The following PBX1 variants were observed in gnomAD, a reference collection of about 807,000 sequenced individuals.
PBX1 encodes the protein pre-B-cell leukemia transcription factor 1.
Under a neutral mutation model 53.4 loss-of-function variants are expected in PBX1, and 6 were observed. The ratio of observed to expected loss-of-function variants is 0.11; its 90% confidence interval spans 0.06 to 0.22. The LOEUF (loss-of-function observed/expected upper bound fraction) is 0.22, where lower values mean the gene tolerates loss of function less well. PBX1 is among the 10% of genes least tolerant of loss of function. The pLI, the probability that PBX1 is intolerant of heterozygous loss-of-function variation, is 1.00. For missense variants in PBX1, 251 were observed against 551.4 expected, an observed-to-expected ratio of 0.46 and a Z score of 5.46; for synonymous variants, 204 against 212.3, an observed-to-expected ratio of 0.96 and a Z score of 0.34.
intron 2 of PBX1, among the ~76,000 whole-genome samples, chr1:164,607,464 G>A (rs189075209): frequency 1.6e-3 from 250 of 152,292 alleles, no homozygotes; most frequent in Non-Finnish European, 3.1e-3. Context: ...AGGATATCAA[G>A]ATTACCAGAG....
chr1:164,841,533 G>A (rs757335403), intron 8 of PBX1, among the ~76,000 whole-genome samples: 4 of 152,106 alleles, frequency 2.6e-5, no homozygotes, highest in Non-Finnish European at 5.9e-5. Context: ...TACCCAGACC[G>A]GGCCTGGATC....
chr1:164,767,901 G>C (rs1300401161), intron 2 of PBX1, among the ~76,000 whole-genome samples: 1 of 151,830 alleles, frequency 6.6e-6, no homozygotes, highest in Non-Finnish European at 1.5e-5. Flanking sequence ...TATTTAAATA[G>C]AACAAGATTT....
intron 2 of PBX1, among the ~76,000 whole-genome samples, chr1:164,776,204 G>A (rs1418025828): frequency 2.0e-5 from 3 of 152,124 alleles, no homozygotes; most frequent in Non-Finnish European, 2.9e-5. Context: ...TAAATTGTTA[G>A]GTATTTATCA....
intron 2 of PBX1, among the ~76,000 whole-genome samples, chr1:164,678,722 G>T (rs1028665518): frequency 1.3e-5 from 2 of 152,142 alleles, no homozygotes; most frequent in South Asian, 2.1e-4. Flanking sequence ...AAAGAAGAAG[G>T]TGATAGATTG....
intron 2 of PBX1, among the ~76,000 whole-genome samples, chr1:164,748,288 C>T (rs903197288): frequency 4.6e-5 from 7 of 152,250 alleles, no homozygotes; most frequent in Admixed American, 3.9e-4. Flanking sequence ...CATTGAGGTT[C>T]GACTGACTTT....
intron 2 of PBX1, among the ~76,000 whole-genome samples, chr1:164,700,133 G>T (rs1571245307): frequency 6.6e-6 from 1 of 152,200 alleles, no homozygotes; most frequent in South Asian, 2.1e-4. Context: ...TTGGCATGCT[G>T]ATTTCCCTTT....
intron 2 of PBX1, among the ~76,000 whole-genome samples, chr1:164,734,282 C>T (rs1332648355): frequency 6.6e-6 from 1 of 152,162 alleles, no homozygotes; most frequent in Non-Finnish European, 1.5e-5. Context: ...GGAAGCATTT[C>T]TTGTATACAA....
intron 3 of PBX1, among the ~76,000 whole-genome samples, chr1:164,798,168 C>T (rs1668881810): frequency 6.6e-6 from 1 of 152,246 alleles, no homozygotes; most frequent in Admixed American, 6.5e-5. Flanking sequence ...ATGCACCTGC[C>T]TATGTACCTT....
At chr1:164,758,826 A>G (rs946823282) in intron 2 of PBX1, among the ~76,000 whole-genome samples, 2 of 152,006 alleles carry the variant, frequency 1.3e-5, no homozygotes, top group African/African-American at 2.4e-5. Flanking sequence ...TGTTGTGCTC[A>G]CCTAGCATCG....
intron 8 of PBX1, among the ~76,000 whole-genome samples, chr1:164,831,940 C>G (rs1670788267): frequency 6.6e-6 from 1 of 152,142 alleles, no homozygotes; most frequent in Non-Finnish European, 1.5e-5. Context: ...CTACACTTGT[C>G]TCATGTTCTG....
At chr1:164,651,930 G>GGTGT (rs57772161) in intron 2 of PBX1, 27,239 of 143,818 alleles carry the variant, frequency 0.19, 2,683 homozygotes, top group East Asian at 0.34. Flanking sequence ...ATGGAGGGAG[G>GGTGT]GTGTGTGTGT....
rs1192360925 is a variant in PBX1, at chr1:164,864,433, G to A, written n.257+32950G>A. Among the ~76,000 whole-genome samples, 6 of 152,158 alleles carry A rather than the reference G, an allele frequency of 3.9e-5. No homozygotes were observed. In the East Asian group the frequency reaches 7.7e-4, roughly 20 times the overall value. Reference sequence around the variant, plus strand: ...TGTTGCCCACGGAATGAACTGTGGCGCTCCAGGCTGCTGGGCTTTTTATTT... The same window carrying A: ...TGTTGCCCACGGAATGAACTGTGGCACTCCAGGCTGCTGGGCTTTTTATTT... On this transcript the variant is annotated intron_variant and non_coding_transcript_variant, in intron 2 of 2. Transcript: ENST00000558796.
intron 2 of PBX1, among the ~76,000 whole-genome samples, chr1:164,594,927 T>G (rs1017371907): frequency 6.6e-6 from 1 of 152,304 alleles, no homozygotes; most frequent in African/African-American, 2.4e-5. Flanking sequence ...AACTAATAAG[T>G]GGCAGAAATG....
At chr1:164,567,601 A>G (rs1041372129) in intron 2 of PBX1, among the ~76,000 whole-genome samples, 6 of 152,198 alleles carry the variant, frequency 3.9e-5, no homozygotes, top group Non-Finnish European at 7.3e-5. Context: ...TATAATGTGG[A>G]TATAAGCCGT....
chr1:164,653,021 C>G (rs1261845145), intron 2 of PBX1, among the ~76,000 whole-genome samples: 1 of 151,978 alleles, frequency 6.6e-6, no homozygotes, highest in Non-Finnish European at 1.5e-5. Context: ...TGTGCGCCAC[C>G]ACACCCGGCT....
intron 2 of PBX1, among the ~76,000 whole-genome samples, chr1:164,681,791 G>A (rs1661788129): frequency 6.6e-6 from 1 of 152,004 alleles, no homozygotes; most frequent in African/African-American, 2.4e-5. Flanking sequence ...TAATTTACCT[G>A]TATAACAAAC....
chr1:164,739,027 T>C (rs1257153297), intron 2 of PBX1, among the ~76,000 whole-genome samples: 1 of 152,198 alleles, frequency 6.6e-6, no homozygotes, highest in African/African-American at 2.4e-5. Context: ...TTTCATGATA[T>C]GTTTTGGTAT....
At chr1:164,700,487 A>G in intron 2 of PBX1, 1 of 985,364 alleles carries the variant, frequency 1.0e-6, no homozygotes, top group South Asian at 4.7e-5. Context: ...TGGCACCCGA[A>G]GGTTTCTTGC....
At chr1:164,760,186 G>A (rs1666734479) in intron 2 of PBX1, among the ~76,000 whole-genome samples, 1 of 152,160 alleles carries the variant, frequency 6.6e-6, no homozygotes, top group South Asian at 2.1e-4. Flanking sequence ...CGGGGCTGGA[G>A]CCACTTACCA....
Sources: gnomAD v4.1 joint callset for allele counts (sites outside exome capture counted in the v4.1 genomes callset) on GRCh38, gnomAD v4.1.1 for gene constraint, MANE v1.5 for transcripts, NCBI Gene and HGNC (gene_info 2026-07-23, HGNC 2026-07-21) for gene names.